Variants in CDON observed in about 807,000 individuals in gnomAD.
CDON encodes the protein cell adhesion associated, oncogene regulated.
CDON carries 73 observed loss-of-function variants against 120.9 expected under a neutral mutation model. The ratio of observed to expected loss-of-function variants is 0.60; its 90% CI spans 0.50 to 0.73. The LOEUF (loss-of-function observed/expected upper bound fraction) is 0.73. CDON is among the 30% of genes least tolerant of loss of function. The pLI is 0.00. For missense variants in CDON, 1,470 were observed against 1,587.3 expected, an observed-to-expected ratio of 0.93 and a Z score of 1.26; for synonymous variants, 566 against 573.5, an observed-to-expected ratio of 0.99 and a Z score of 0.19.
intron 1 of CDON, among the ~76,000 whole-genome samples, chr11:126,051,648 TTTTC>T (rs1948560723): frequency 7.5e-6 from 1 of 133,034 alleles, no homozygotes; most frequent in African/African-American, 3.0e-5. Flanking sequence ...TAGCTATTTT[TTTTC>T]TTTTTTTTTT....
In CDON at chr11:125,993,780, G is replaced by A. The variant is rs934482014; in HGVS notation, c.2650+504C>T. 7.2e-5 allele frequency among the ~76,000 whole-genome samples: 11 copies of A among 152,160 alleles called. 1 individual carries two copies. Among genetic ancestry groups the A allele is most frequent in the African/African-American group, 2.7e-4 (11 of 41,432 alleles). ...GGGCCTTCAGGCCATAGGCAAAATTGTGGATTCTATTTAAATGCAGTAAAA... is the reference window on the plus strand; with the variant it reads ...GGGCCTTCAGGCCATAGGCAAAATTATGGATTCTATTTAAATGCAGTAAAA... On this transcript the variant is annotated intron_variant, in intron 14 of 19. Coordinates refer to ENST00000531738, the MANE Select transcript of CDON (RefSeq NM_001378964.1).
At chr11:125,989,893 T>G in intron 14 of CDON, 134 bp from the exon 15 acceptor site, 4 of 740,852 alleles carry the variant, frequency 5.4e-6, no homozygotes, top group Non-Finnish European at 9.1e-6. Context: ...AAAAATGTAC[T>G]TAATAGTAAG....
chr11:125,996,784 G>A lies in CDON; in HGVS notation c.2362+423C>T, dbSNP rs990948114. On this transcript the variant is annotated intron_variant, in intron 12 of 19. Transcript: ENST00000531738. ...TTATCTCTGAATGGGTGAATTTTAGGTGACTTATTCTCTTCTTTATATTTT... is the reference window on the plus strand; with the variant it reads ...TTATCTCTGAATGGGTGAATTTTAGATGACTTATTCTCTTCTTTATATTTT... 9.9e-5 allele frequency among the ~76,000 whole-genome samples: 15 copies of A among 151,144 alleles called. 1 individual carries two copies. The highest frequency in any genetic ancestry group is 3.4e-4 in the African/African-American group (14 of 41,176).
intron 11 of CDON, among the ~76,000 whole-genome samples, chr11:125,999,651 A>G (rs1198067763): frequency 6.6e-6 from 1 of 152,058 alleles, no homozygotes; most frequent in Non-Finnish European, 1.5e-5. Flanking sequence ...TGGTGCCCAC[A>G]CCCAATCCAT....
intron 1 of CDON, among the ~76,000 whole-genome samples, chr11:126,030,541 T>C (rs1485462185): frequency 4.6e-5 from 7 of 152,238 alleles, no homozygotes; most frequent in Non-Finnish European, 7.3e-5. Flanking sequence ...TAAGTTAGAT[T>C]CCGTTTTTTA....
intron 9 of CDON, 130 bp from the exon 10 acceptor site, chr11:126,004,206 A>G: frequency 7.9e-6 from 7 of 882,390 alleles, no homozygotes; most frequent in South Asian, 1.4e-5. Context: ...CAGCATGGTA[A>G]GTAAAAAAGA....
At chr11:126,047,922 C>T (rs995349747) in intron 1 of CDON, among the ~76,000 whole-genome samples, 1 of 152,180 alleles carries the variant, frequency 6.6e-6, no homozygotes, top group Non-Finnish European at 1.5e-5. Flanking sequence ...ATGTGGATGT[C>T]TTTCAATCCC....
intron 1 of CDON, among the ~76,000 whole-genome samples, chr11:126,058,156 TAAAC>T (rs1035077355): frequency 2.0e-5 from 3 of 152,168 alleles, no homozygotes; most frequent in African/African-American, 7.2e-5. Context: ...TAACAAAACA[TAAAC>T]AAAATATGTA....
At chr11:125,965,151 A>C (rs1397624155) in intron 18 of CDON, among the ~76,000 whole-genome samples, 1 of 152,264 alleles carries the variant, frequency 6.6e-6, no homozygotes, top group South Asian at 2.1e-4. Context: ...GGCTGGTCTC[A>C]AACTCCTGAG....
At position 126,019,631 on chromosome 11, in the gene CDON, C is replaced by G; in HGVS notation, c.484G>C (p.Glu162Gln). The G allele has an allele frequency of 6.2e-7, 1 of 1,613,904 alleles. No individual in the cohort carries two copies. The highest frequency in any genetic ancestry group is 8.5e-7 in the Non-Finnish European group (1 of 1,179,936). ...CAAAAGGTCTCACCTGTGGAATGTT[C>G]CAGCCATTTTCCCCGGATTTTATAG... ...VRYKIRGKWL[E>Q]HSTENYLILP... The change falls in exon 4 of 20, where the codon GAA (glutamate) becomes CAA (glutamine). Residue 162 changes from glutamate (E) to glutamine (Q), a missense_variant. Transcript: ENST00000531738.
intron 7 of CDON, chr11:126,014,966 ATAAGAG>A: frequency 2.3e-6 from 1 of 433,946 alleles, no homozygotes. Context: ...TGTCTAGGGA[ATAAGAG>A]TAAGAGAGAG....
chr11:125,996,670 G>A (rs1262846726), intron 12 of CDON, among the ~76,000 whole-genome samples: 49 of 129,070 alleles, frequency 3.8e-4, no homozygotes, highest in African/African-American at 1.2e-3. Context: ...ACTGCACTCC[G>A]GCCTAGGCGA....
intron 5 of CDON, among the ~76,000 whole-genome samples, 162 bp from the exon 6 acceptor site, chr11:126,017,537 G>C (rs1196901767): frequency 6.6e-6 from 1 of 151,976 alleles, no homozygotes; most frequent in African/African-American, 2.4e-5. Flanking sequence ...GATTTTTGTG[G>C]TCCTTTAGGG....
At chr11:126,045,867 G>A (rs1172698911) in intron 1 of CDON, among the ~76,000 whole-genome samples, 1 of 152,080 alleles carries the variant, frequency 6.6e-6, no homozygotes, top group African/African-American at 2.4e-5. Context: ...CTACTTTGGA[G>A]GCTGAGGCAG....
At chr11:126,057,518 A>C (rs1176687234) in intron 1 of CDON, among the ~76,000 whole-genome samples, 1 of 152,190 alleles carries the variant, frequency 6.6e-6, no homozygotes, top group Non-Finnish European at 1.5e-5. Flanking sequence ...AACTCTTCAG[A>C]ATAGCTGCTG....
At chr11:125,978,280 T>C in intron 18 of CDON, 24 bp downstream of exon 18, 4 of 1,371,400 alleles carry the variant, frequency 2.9e-6, no homozygotes, top group Non-Finnish European at 4.1e-6. Context: ...CACAACAGCT[T>C]GTGCAGACAC....
intron 1 of CDON, among the ~76,000 whole-genome samples, chr11:126,028,566 T>A (rs780661210): frequency 6.6e-6 from 1 of 152,052 alleles, no homozygotes; most frequent in African/African-American, 2.4e-5. Flanking sequence ...TTTTGCCATG[T>A]TGGCCAGGTT....
Position 126,010,660 on chromosome 11 carries a change from T to G in CDON, c.1233A>C (p.Pro411=), listed in dbSNP as rs183629033. The change falls in exon 8 of 20, where the codon CCA becomes CCC. Residue 411 remains proline (P), a synonymous_variant. Transcript: ENST00000531738. The part of the protein sequence containing the change: ...GGFKPVIITA[P]VSAKVADGDF... ...CTCCGTCTGCAACCTTTGCACTTACTGGTGCCGTAATTATAACTGGCTTGA... is the reference window on the plus strand; with the variant it reads ...CTCCGTCTGCAACCTTTGCACTTACGGGTGCCGTAATTATAACTGGCTTGA... 11 of 1,614,146 alleles carry G rather than the reference T, an allele frequency of 6.8e-6. No individual in the cohort carries two copies. The East Asian group carries it at 2.5e-4, about 36-fold the overall frequency.
chr11:126,045,038 G>T (rs553642474), intron 1 of CDON, among the ~76,000 whole-genome samples: 145 of 151,694 alleles, frequency 9.6e-4, no homozygotes, highest in Non-Finnish European at 1.1e-3. Context: ...TATATATATA[G>T]AGAGAGAGAC....
Sources: allele counts gnomAD v4.1 joint callset (sites outside exome capture counted in the v4.1 genomes callset), GRCh38; gene constraint gnomAD v4.1.1; transcripts MANE v1.5; gene names NCBI Gene and HGNC (gene_info 2026-07-23, HGNC 2026-07-21).